The following DPP6 variants were observed in gnomAD, a reference collection of about 807,000 sequenced individuals.
DPP6 encodes dipeptidyl peptidase like 6, also known as A-type potassium channel modulatory protein DPP6.
In DPP6, 69 loss-of-function variants were observed where a neutral mutation model predicts 122.6. The observed-to-expected ratio is 0.56, with a 90% confidence interval of 0.46 to 0.69. The LOEUF (loss-of-function observed/expected upper bound fraction) is 0.69. DPP6 is among the 30% of genes least tolerant of loss of function. The probability of loss-of-function intolerance (pLI) is 0.00; values close to 1 mark genes in which losing one functional copy is unlikely to be tolerated. For synonymous variants in DPP6, 418 were observed against 433.1 expected (o/e 0.97, Z 0.43); for missense variants, 928 against 1,116.9 (o/e 0.83, Z 2.41).
At chr7:154,723,544 A>G (rs1270778864) in intron 7 of DPP6, among the ~76,000 whole-genome samples, 2 of 152,092 alleles carry the variant, frequency 1.3e-5, no homozygotes, top group Non-Finnish European at 2.9e-5. Flanking sequence ...CTGAAATTAA[A>G]TTAGGTTGTA....
chr7:153,800,297 C>T, the DPP6 span, among the ~76,000 whole-genome samples: 27 of 152,074 alleles, frequency 1.8e-4, no homozygotes, highest in African/African-American at 6.3e-4. Context: ...TATAGGTTGT[C>T]ATGTTAGTTG....
chr7:154,463,185 T>C (rs1431469686), intron 2 of DPP6, among the ~76,000 whole-genome samples: 3 of 145,582 alleles, frequency 2.1e-5, no homozygotes, highest in African/African-American at 7.6e-5. Flanking sequence ...TTACCTTTAC[T>C]TCTCCTTTTC....
chr7:154,630,110 C>T (rs773167907), intron 5 of DPP6, among the ~76,000 whole-genome samples: 36 of 152,180 alleles, frequency 2.4e-4, no homozygotes, highest in Non-Finnish European at 3.2e-4. Context: ...CAAGTTCACC[C>T]AGCAAGTGAA....
intron 1 of DPP6, among the ~76,000 whole-genome samples, chr7:154,240,623 A>T (rs966133496): frequency 6.6e-6 from 1 of 152,208 alleles, no homozygotes; most frequent in Non-Finnish European, 1.5e-5. Flanking sequence ...TTAATGTTTA[A>T]TGGTGTTTCC....
chr7:154,334,545 G>A (rs1809231730), intron 1 of DPP6, among the ~76,000 whole-genome samples: 1 of 152,180 alleles, frequency 6.6e-6, no homozygotes, highest in African/African-American at 2.4e-5. Flanking sequence ...TCTAGTTGCT[G>A]CTCAATAAAC....
intron 1 of DPP6, among the ~76,000 whole-genome samples, chr7:154,055,105 T>C (rs1218010569): frequency 2.7e-5 from 4 of 149,526 alleles, no homozygotes; most frequent in South Asian, 2.2e-4. Flanking sequence ...TTTTTTTTTT[T>C]CTGGAAAATA....
chr7:153,931,429 A>G (rs1801165069), intron 1 of DPP6, among the ~76,000 whole-genome samples: 1 of 152,212 alleles, frequency 6.6e-6, no homozygotes, highest in African/African-American at 2.4e-5. Context: ...TCTTACCATG[A>G]TGGTGAATGA....
At chr7:153,824,966 T>C in the DPP6 span, among the ~76,000 whole-genome samples, 33,417 of 152,024 alleles carry the variant, frequency 0.22, 3,926 homozygotes, top group East Asian at 0.35. Flanking sequence ...CCACAGCAAC[T>C]GGCCCGAGAC....
chr7:154,651,503 G>A (rs750344470), intron 6 of DPP6, among the ~76,000 whole-genome samples: 1 of 152,096 alleles, frequency 6.6e-6, no homozygotes, highest in Non-Finnish European at 1.5e-5. Context: ...ACCCCAAGCA[G>A]TTAGCTGTTA....
intron 7 of DPP6, among the ~76,000 whole-genome samples, chr7:154,719,890 G>A (rs1420618527): frequency 6.6e-6 from 1 of 152,212 alleles, no homozygotes; most frequent in African/African-American, 2.4e-5. Context: ...CAACGTGAAG[G>A]CCTCTGTCTG....
chr7:154,623,634 TGCACACACGC>T (rs1041386567), intron 5 of DPP6, among the ~76,000 whole-genome samples: 12 of 104,120 alleles, frequency 1.2e-4, no homozygotes, highest in South Asian at 3.3e-4. Context: ...CACACATGCG[TGCACACACGC>T]GCACACACGC....
intron 7 of DPP6, among the ~76,000 whole-genome samples, chr7:154,671,952 T>C (rs1205338893): frequency 6.6e-6 from 1 of 152,028 alleles, no homozygotes; most frequent in African/African-American, 2.4e-5. Flanking sequence ...ACATGATCTC[T>C]TGTTGCCTGT....
chr7:154,198,443 C>T (rs1798987590), intron 1 of DPP6, among the ~76,000 whole-genome samples: 1 of 152,058 alleles, frequency 6.6e-6, no homozygotes, highest in African/African-American at 2.4e-5. Flanking sequence ...TCCCAAGTAG[C>T]TGGAATTGCA....
At chr7:154,589,867 C>T (rs1275012993) in intron 5 of DPP6, among the ~76,000 whole-genome samples, 1 of 152,246 alleles carries the variant, frequency 6.6e-6, no homozygotes, top group East Asian at 1.9e-4. Context: ...GGTCACCCTT[C>T]ATTCACCTCA....
chr7:154,236,419 G>C (rs1301729537), intron 1 of DPP6, among the ~76,000 whole-genome samples: 1 of 152,066 alleles, frequency 6.6e-6, no homozygotes, highest in African/African-American at 2.4e-5. Context: ...AGAAAGCTCA[G>C]GTAAACAATT....
At chr7:153,984,053 AACACACACACACAC>A (rs528640069) in intron 1 of DPP6, among the ~76,000 whole-genome samples, 1,528 of 132,006 alleles carry the variant, frequency 0.012, 18 homozygotes, top group Middle Eastern at 0.055. Flanking sequence ...TTCTGTCCAT[AACACACACACACAC>A]ACACACACAC....
At chr7:153,844,035 G>C in the DPP6 span, among the ~76,000 whole-genome samples, 2 of 152,104 alleles carry the variant, frequency 1.3e-5, no homozygotes, top group Non-Finnish European at 2.9e-5. Context: ...TCCATTCCCA[G>C]AGCTATGAAC....
At chr7:154,860,898 A>G (rs4960626) in intron 17 of DPP6, among the ~76,000 whole-genome samples, 21,160 of 152,192 alleles carry the variant, frequency 0.14, 1,888 homozygotes, top group East Asian at 0.49. Flanking sequence ...GCACAAACCC[A>G]TTTCAGACCT....
chr7:154,210,281 C>T (rs1563321496), intron 1 of DPP6, among the ~76,000 whole-genome samples: 1 of 152,046 alleles, frequency 6.6e-6, no homozygotes. Context: ...CGTGATGTCC[C>T]GAGGTGTGTG....
Sources: allele counts gnomAD v4.1 joint callset (sites outside exome capture counted in the v4.1 genomes callset), GRCh38; gene constraint gnomAD v4.1.1; transcripts MANE v1.5; gene names NCBI Gene and HGNC (gene_info 2026-07-23, HGNC 2026-07-21).